The following ZFYVE28 variants were observed in gnomAD, a reference collection of about 807,000 sequenced individuals.
ZFYVE28 encodes lateral signaling target protein 2 homolog.
In ZFYVE28, 40 loss-of-function variants were observed where a neutral mutation model predicts 82.1. That is an observed-to-expected ratio of 0.49 (90% CI 0.38 to 0.63). The LOEUF is 0.63. Ranked by LOEUF, ZFYVE28 falls within the 30% of genes least tolerant of loss-of-function variation. ZFYVE28 has a pLI of 0.00. For missense variants in ZFYVE28, 1,321 were observed against 1,242.1 expected (o/e 1.06, Z -0.96); for synonymous variants, 612 against 546.1 (o/e 1.12, Z -1.68).
chr4:2,405,863 C>A (rs1330991906), intron 1 of ZFYVE28, among the ~76,000 whole-genome samples: 1 of 152,038 alleles, frequency 6.6e-6, no homozygotes, highest in East Asian at 1.9e-4. Context: ...CCCTGGCCAA[C>A]ATGGTGAAAC....
Position 2,418,189 on chromosome 4 carries a change from A to T in ZFYVE28, c.39+96T>A, listed in dbSNP as rs1054350884. ...GTGGGGGAAGAGGCCGGCCACGGACAGGGAAAGGGAGTCCGTCTTGTAGGG... is the reference window on the plus strand; with the variant it reads ...GTGGGGGAAGAGGCCGGCCACGGACTGGGAAAGGGAGTCCGTCTTGTAGGG... On this transcript the variant is annotated intron_variant, in intron 1 of 12. Coordinates refer to ENST00000290974, the MANE Select transcript of ZFYVE28 (RefSeq NM_020972.3). This position sits in a 1 kb window ranked among gnomAD's most constrained non-coding sequence, Gnocchi z 4.6. 1.7e-6 allele frequency: 2 copies of T among 1,196,836 alleles called. No individual in the cohort carries two copies. The highest frequency in any genetic ancestry group is 2.3e-6 in the Non-Finnish European group (2 of 883,644). The allele number at this position is 1,196,836 out of a possible 1,614,324, so 74.1% of individuals were successfully genotyped here.
intron 1 of ZFYVE28, among the ~76,000 whole-genome samples, chr4:2,377,616 G>T (rs67762343): frequency 1.3e-5 from 2 of 152,108 alleles, no homozygotes; most frequent in African/African-American, 4.8e-5. Context: ...CCTTCCCGCC[G>T]CACTGTGGGC....
At chr4:2,405,718 T>C (rs1731815441) in intron 1 of ZFYVE28, among the ~76,000 whole-genome samples, 1 of 152,246 alleles carries the variant, frequency 6.6e-6, no homozygotes, top group Admixed American at 6.5e-5. Flanking sequence ...CTCCTGTCAC[T>C]GTCCCTCGGG....
intron 1 of ZFYVE28, among the ~76,000 whole-genome samples, chr4:2,359,183 G>C (rs1397609573): frequency 6.6e-6 from 1 of 150,836 alleles, no homozygotes; most frequent in Admixed American, 6.6e-5. Context: ...GGGTTTCATC[G>C]TGTCAGCCAG....
chr4:2,304,595 C>T lies in ZFYVE28; in HGVS notation c.1745G>A (p.Arg582Gln), dbSNP rs201787361. The change falls in exon 8 of 13, where the codon CGG (arginine) becomes CAG (glutamine). Residue 582 changes from arginine (R) to glutamine (Q), a missense_variant. Coordinates refer to ENST00000290974, the MANE Select transcript of ZFYVE28 (RefSeq NM_020972.3). ...DSREDVVERL[R>Q]EKCSPGGVIG... ...GACGCCTCCCGGGCTGCACTTCTCC[C>T]GCAGACGCTCCACCACGTCCTCCCT... 4.1e-4 allele frequency: 657 copies of T among 1,612,288 alleles called. 6 individuals carry two copies. In the South Asian group the frequency reaches 6.3e-3, roughly 16 times the overall value.
chr4:2,343,399 G>A (rs1723090732), intron 2 of ZFYVE28: 1 of 152,192 alleles, frequency 6.6e-6, no homozygotes, highest in Admixed American at 6.5e-5. Flanking sequence ...GAGTGGGGAA[G>A]CATGACCCTT....
At chr4:2,390,288 GACACCT>G (rs1298435251) in intron 1 of ZFYVE28, among the ~76,000 whole-genome samples, 3 of 152,202 alleles carry the variant, frequency 2.0e-5, no homozygotes, top group Admixed American at 6.5e-5. Context: ...CAGCCCTGCC[GACACCT>G]ACATCCTGAT....
At position 2,410,046 on chromosome 4, in the gene ZFYVE28, AC is replaced by A. The variant is rs567295841; in HGVS notation, c.39+8238del. Among the ~76,000 whole-genome samples the A allele has an allele frequency of 2.3e-3, 344 of 152,302 alleles. 2 individuals carry two copies. The highest frequency in any genetic ancestry group is 3.4e-3 in the Middle Eastern group (1 of 294). On this transcript the variant is annotated intron_variant, in intron 1 of 12. Transcript: ENST00000290974. The stretch of plus-strand genomic sequence containing the variant: ...CTATTTTTTTTTATTCAGGGGCAAA[AC>A]ACCTTTTCCCTTGATTATCTGTTAA...
intron 2 of ZFYVE28, among the ~76,000 whole-genome samples, chr4:2,343,875 C>T (rs556507628): frequency 6.6e-6 from 1 of 152,326 alleles, no homozygotes; most frequent in African/African-American, 2.4e-5. Context: ...TTCTGTTATT[C>T]ACGATGAGTC....
At chr4:2,294,552 A>G (rs1714242458) in intron 8 of ZFYVE28, among the ~76,000 whole-genome samples, 1 of 152,244 alleles carries the variant, frequency 6.6e-6, no homozygotes, top group South Asian at 2.1e-4. Flanking sequence ...TAATTCTTAG[A>G]TATGGCACCA....
Position 2,354,080 on chromosome 4 carries a change from G to A in ZFYVE28, c.40-7C>T. 1.3e-6 allele frequency: 2 copies of A among 1,536,704 alleles called. No individual in the cohort carries two copies. Among genetic ancestry groups the A allele is most frequent in the Non-Finnish European group, 1.8e-6 (2 of 1,140,998 alleles). On this transcript the variant is annotated splice_polypyrimidine_tract_variant and splice_region_variant and intron_variant, in intron 1 of 12. Transcript: ENST00000290974. ...GCAGCTGCGGATCCGACCTCTGCAG[G>A]AGAGAGGGGCCAGGGCCATGAGTGG... is the stretch of plus-strand genomic sequence containing the variant.
In ZFYVE28 at chr4:2,374,238, T is replaced by G. The variant is rs117574007; in HGVS notation, c.40-20165A>C. 1.2e-3 allele frequency among the ~76,000 whole-genome samples: 178 copies of G among 152,252 alleles called. 3 individuals are homozygous for G. In the East Asian group the frequency reaches 0.022, roughly 19 times the overall value. On this transcript the variant is annotated intron_variant, in intron 1 of 12. Transcript: ENST00000290974. ...AAAAACCAGAACCCATGCAGAGATC[T>G]CTCTCAAAAATAATAACGTGTTTTC... is the stretch of plus-strand genomic sequence containing the variant.
At chr4:2,271,045 G>A in intron 12 of ZFYVE28, 189 bp from the exon 13 acceptor site, 1 of 834,338 alleles carries the variant, frequency 1.2e-6, no homozygotes, top group Non-Finnish European at 1.8e-6. Context: ...CCTGCACCAA[G>A]GCTGCTGCAG....
rs981536304 is a variant in ZFYVE28, at chr4:2,329,070, G to GT, written c.701+6634dup. On this transcript the variant is annotated intron_variant, in intron 6 of 12. Coordinates refer to ENST00000290974, the MANE Select transcript of ZFYVE28 (RefSeq NM_020972.3). ...GTATGAATCTTCCAATTTTGTTTTT[G>GT]TTTTTCAATATTGTTTTGGCTATTT... The GT allele has an allele frequency of 5.8e-6, 4 of 693,020 alleles. No homozygotes were observed. In the Admixed American group the frequency reaches 8.2e-5, roughly 14 times the overall value. 42.9% of individuals were successfully genotyped at this position (693,020 alleles called of 1,614,324 possible).
chr4:2,391,293 C>T (rs1331177787), intron 1 of ZFYVE28, among the ~76,000 whole-genome samples: 1 of 152,106 alleles, frequency 6.6e-6, no homozygotes, highest in Non-Finnish European at 1.5e-5. Flanking sequence ...TCACAGCCCA[C>T]CCTGAGCTCT....
Position 2,359,884 on chromosome 4 carries a change from C to T in ZFYVE28, c.40-5811G>A, listed in dbSNP as rs138144118. 2.0e-4 allele frequency among the ~76,000 whole-genome samples: 31 copies of T among 152,238 alleles called. 1 individual carries two copies. The East Asian group carries it at 4.1e-3, about 20-fold the overall frequency. On this transcript the variant is annotated intron_variant, in intron 1 of 12. Transcript: ENST00000290974. ...AAAACCTCAAATCTGTGGGCCTGTA[C>T]AACTCTGAGGAAGCTGCTCTTGGGG...
At chr4:2,315,276 G>A (rs776538860) in intron 7 of ZFYVE28, among the ~76,000 whole-genome samples, 2 of 152,072 alleles carry the variant, frequency 1.3e-5, no homozygotes, top group Non-Finnish European at 2.9e-5. Flanking sequence ...TTTTCCTTCA[G>A]CAGTTTTTTT....
intron 6 of ZFYVE28, among the ~76,000 whole-genome samples, chr4:2,334,558 C>T (rs1721270993): frequency 6.6e-6 from 1 of 151,758 alleles, no homozygotes; most frequent in African/African-American, 2.4e-5. Context: ...CCCTGGGGCT[C>T]CTCAGCATGG....
At chr4:2,306,606 C>A (rs1403531042) in intron 7 of ZFYVE28, among the ~76,000 whole-genome samples, 1 of 152,206 alleles carries the variant, frequency 6.6e-6, no homozygotes, top group Admixed American at 6.5e-5. Flanking sequence ...AGTTAAATTT[C>A]AATTTCAGAT....
Sources: allele counts gnomAD v4.1 joint callset (sites outside exome capture counted in the v4.1 genomes callset), GRCh38; gene constraint gnomAD v4.1.1; non-coding constraint Gnocchi (gnomAD v3.1); transcripts MANE v1.5; gene names NCBI Gene and HGNC (gene_info 2026-07-23, HGNC 2026-07-21).